The following SLC29A3 variants were observed in gnomAD, a reference collection of about 807,000 sequenced individuals.
SLC29A3 encodes solute carrier family 29 member 3.
Under a neutral mutation model 25.4 loss-of-function variants are expected in SLC29A3, and 18 were observed. The ratio of observed to expected loss-of-function variants is 0.71; its 90% CI spans 0.49 to 1.05. The LOEUF (loss-of-function observed/expected upper bound fraction) is 1.05. Among genes scored for constraint, SLC29A3 ranks in the 50% least tolerant of loss-of-function variants. The pLI is 0.00. For synonymous variants in SLC29A3, 258 were observed against 267.1 expected (o/e 0.97, Z 0.33); for missense variants, 586 against 609.0 (o/e 0.96, Z 0.40).
At chr10:71,369,479 A>G (rs1017532972) in intron 3 of SLC29A3, among the ~76,000 whole-genome samples, 5 of 152,262 alleles carry the variant, frequency 3.3e-5, no homozygotes, top group Non-Finnish European at 5.9e-5. Flanking sequence ...GGAATGGTGA[A>G]GTAAAAAGGA....
At chr10:71,348,451 C>A (rs1353710240) in intron 3 of SLC29A3, among the ~76,000 whole-genome samples, 141 of 152,276 alleles carry the variant, frequency 9.3e-4, no homozygotes, top group Non-Finnish European at 1.9e-4. Flanking sequence ...TCAGGGGTTA[C>A]ACGGAGAGCC....
At chr10:71,319,525 A>C in intron 1 of SLC29A3, 7 of 410,350 alleles carry the variant, frequency 1.7e-5, no homozygotes, top group East Asian at 7.6e-5. Context: ...TCTTCCCCAA[A>C]TCCTCTCCCC....
intron 2 of SLC29A3, among the ~76,000 whole-genome samples, chr10:71,333,900 T>A (rs927318266): frequency 1.3e-5 from 2 of 152,206 alleles, no homozygotes; most frequent in Non-Finnish European, 2.9e-5. Context: ...CTGCCTATTC[T>A]GGTTACAGCC....
At chr10:71,348,573 CTG>C (rs1484426366) in intron 3 of SLC29A3, among the ~76,000 whole-genome samples, 8 of 152,172 alleles carry the variant, frequency 5.3e-5, no homozygotes, top group Non-Finnish European at 1.0e-4. Flanking sequence ...GGTGGGGACA[CTG>C]TGTGACAGAG....
intron 3 of SLC29A3, among the ~76,000 whole-genome samples, chr10:71,370,017 C>T (rs928321070): frequency 1.1e-4 from 16 of 152,096 alleles, no homozygotes; most frequent in Admixed American, 7.2e-4. Flanking sequence ...TGAACTTGTC[C>T]GGTGTGAGGG....
intron 4 of SLC29A3, among the ~76,000 whole-genome samples, chr10:71,352,391 C>G (rs541483662): frequency 6.6e-6 from 1 of 151,966 alleles, no homozygotes; most frequent in African/African-American, 2.4e-5. Flanking sequence ...GAGACAGAGT[C>G]GCAGCTATTT....
At chr10:71,326,501 TC>T (rs1490438862) in intron 2 of SLC29A3, among the ~76,000 whole-genome samples, 1 of 152,336 alleles carries the variant, frequency 6.6e-6, no homozygotes, top group East Asian at 1.9e-4. Flanking sequence ...GTCCCAGCTT[TC>T]TGCCAGCCGT....
chr10:71,331,249 G>A (rs1846111005), intron 2 of SLC29A3, among the ~76,000 whole-genome samples: 1 of 152,182 alleles, frequency 6.6e-6, no homozygotes, highest in Non-Finnish European at 1.5e-5. Flanking sequence ...TTGTCCTTGA[G>A]TTTGACCTTG....
At chr10:71,342,127 C>T (rs114747809) in intron 2 of SLC29A3, among the ~76,000 whole-genome samples, 1,530 of 152,284 alleles carry the variant, frequency 0.01, 24 homozygotes, top group African/African-American at 0.035. Flanking sequence ...TCAGGAGGCA[C>T]GGATCACGGG....
At chr10:71,348,083 G>A (rs1846642053) in intron 3 of SLC29A3, among the ~76,000 whole-genome samples, 1 of 152,186 alleles carries the variant, frequency 6.6e-6, no homozygotes, top group Non-Finnish European at 1.5e-5. Flanking sequence ...GACAGCCGCT[G>A]GGAGGTTCAG....
intron 3 of SLC29A3, 33 bp from the exon 4 acceptor site, chr10:71,351,529 G>A (rs749270444): frequency 3.1e-6 from 5 of 1,603,954 alleles, no homozygotes; most frequent in Non-Finnish European, 4.3e-6. Flanking sequence ...GCCCCGAAGG[G>A]GTGTCTAACT....
At chr10:71,346,896 G>T (rs1365072791) in intron 3 of SLC29A3, among the ~76,000 whole-genome samples, 1 of 152,186 alleles carries the variant, frequency 6.6e-6, no homozygotes, top group Non-Finnish European at 1.5e-5. Flanking sequence ...GAAGGGCTGG[G>T]TCTGTCTCCA....
intron 3 of SLC29A3, among the ~76,000 whole-genome samples, chr10:71,368,503 C>T (rs943862962): frequency 6.6e-6 from 1 of 152,222 alleles, no homozygotes; most frequent in African/African-American, 2.4e-5. Flanking sequence ...ATGCTCAGGC[C>T]CCCTGTCTGG....
At chr10:71,359,350 C>T (rs923716181) in intron 5 of SLC29A3, among the ~76,000 whole-genome samples, 1 of 152,168 alleles carries the variant, frequency 6.6e-6, no homozygotes, top group Non-Finnish European at 1.5e-5. Context: ...AAGGCAAGCT[C>T]GCCCGTCCTA....
chr10:71,372,252 G>A (rs1847217255), intron 3 of SLC29A3, among the ~76,000 whole-genome samples: 1 of 152,206 alleles, frequency 6.6e-6, no homozygotes, highest in African/African-American at 2.4e-5. Context: ...GCAAGTGAAT[G>A]CATAATCTTA....
At chr10:71,369,655 G>A (rs1449715527) in intron 3 of SLC29A3, among the ~76,000 whole-genome samples, 1 of 152,192 alleles carries the variant, frequency 6.6e-6, no homozygotes, top group African/African-American at 2.4e-5. Context: ...TTGGGAGCAG[G>A]CCCTGCTTCT....
In SLC29A3 at chr10:71,323,101, C is replaced by T. The variant is rs189077704; in HGVS notation, c.300+47C>T. On this transcript the variant is annotated intron_variant, in intron 2 of 5. Coordinates refer to ENST00000373189, the MANE Select transcript of SLC29A3 (RefSeq NM_018344.6). ...AAGGCTGGTGGGAGCATACAGAGGC[C>T]TCATGCCTCACATGCAGGGGAAGAT... is the stretch of plus-strand genomic sequence containing the variant. The T allele has an allele frequency of 1.2e-5, 19 of 1,603,732 alleles. No homozygotes were observed. The East Asian group carries it at 3.8e-4, about 32-fold the overall frequency.
In SLC29A3 at chr10:71,373,103, G is replaced by A. The variant is rs143224972; in HGVS notation, c.*95-2592G>A. Among the ~76,000 whole-genome samples, 372 of 152,328 alleles carry A rather than the reference G, an allele frequency of 2.4e-3. 1 individual carries two copies. The highest frequency in any genetic ancestry group is 8.2e-3 in the African/African-American group (342 of 41,570). The stretch of plus-strand genomic sequence containing the variant: ...CCTATCTGTCCTCTGGAATTCATTA[G>A]CTGCTGAGGTGATGTTAACTGTTTT... On this transcript the variant is annotated intron_variant and NMD_transcript_variant, in intron 3 of 4. Coordinates refer to the SLC29A3 transcript ENST00000642772.
chr10:71,359,325 C>G (rs145549501), intron 5 of SLC29A3, among the ~76,000 whole-genome samples: 4 of 152,152 alleles, frequency 2.6e-5, no homozygotes, highest in Admixed American at 2.6e-4. Context: ...TCTGCTTGGA[C>G]TAAATCTTCC....
Sources: gnomAD v4.1 joint callset for allele counts (sites outside exome capture counted in the v4.1 genomes callset) on GRCh38, gnomAD v4.1.1 for gene constraint, MANE v1.5 for transcripts, NCBI Gene and HGNC (gene_info 2026-07-23, HGNC 2026-07-21) for gene names.